MRPS6: variants seen among roughly 807,000 people sequenced by gnomAD.
MRPS6 encodes the protein small ribosomal subunit protein bS6m.
Under a neutral mutation model 13.1 loss-of-function variants are expected in MRPS6, and 6 were observed. That is an observed-to-expected ratio of 0.46 (90% CI 0.25 to 0.91). The LOEUF is 0.91. Ranked by LOEUF, MRPS6 falls within the 40% of genes least tolerant of loss-of-function variation. The pLI is 0.18. For missense variants in MRPS6, 164 were observed against 155.6 expected, an observed-to-expected ratio of 1.05 and a Z score of -0.29; for synonymous variants, 61 against 56.5, an observed-to-expected ratio of 1.08 and a Z score of -0.36.
intron 1 of MRPS6, chr21:34,105,674 C>T: frequency 1.0e-6 from 1 of 996,820 alleles, no homozygotes; most frequent in African/African-American, 1.7e-5. Context: ...AGTTGATGAA[C>T]ATTAATTTTG....
intron 1 of MRPS6, among the ~76,000 whole-genome samples, chr21:34,121,127 T>G (rs1980105090): frequency 6.6e-6 from 1 of 152,182 alleles, no homozygotes. Flanking sequence ...TGAAAGAATA[T>G]TTTTAGATTG....
chr21:34,080,010 A>G (rs1315499335), intron 1 of MRPS6, among the ~76,000 whole-genome samples: 1 of 152,124 alleles, frequency 6.6e-6, no homozygotes, highest in Non-Finnish European at 1.5e-5. Flanking sequence ...TCAATGCCAT[A>G]TAGTCTTCTC....
Position 34,116,176 on chromosome 21 carries a change from TTTTGTG to T in MRPS6, c.46-9163_46-9158del, listed in dbSNP as rs1556008457. On this transcript the variant is annotated intron_variant, in intron 1 of 2. Coordinates refer to ENST00000399312, the MANE Select transcript of MRPS6 (RefSeq NM_032476.4). ...GGTGTGTCCCACCATGCCCAGCTAA[TTTTGTG>T]TGTGTGTGTGTGTGTGTGTGTGTGT... Among the ~76,000 whole-genome samples, 749 of 81,250 alleles carry T rather than the reference TTTTGTG, an allele frequency of 9.2e-3. 8 individuals carry two copies. The highest frequency in any genetic ancestry group is 0.028 in the African/African-American group (655 of 23,534). The allele number at this position is 81,250 out of a possible 152,430, so 53.3% of individuals were successfully genotyped here.
chr21:34,105,257 G>C lies in MRPS6; in HGVS notation c.46-20084G>C, dbSNP rs1333538572. On this transcript the variant is annotated intron_variant, in intron 1 of 2. Transcript: ENST00000399312. ...TGGACATCCCATTTTCTTTTGTCCA[G>C]ACCCATGTTGGCAATCATGTATGAA... The C allele has an allele frequency of 9.0e-6, 9 of 1,000,064 alleles. No homozygotes were observed. In the African/African-American group the frequency reaches 1.2e-4, roughly 14 times the overall value. 61.9% of individuals were successfully genotyped at this position (1,000,064 alleles called of 1,614,324 possible).
intron 1 of MRPS6, among the ~76,000 whole-genome samples, chr21:34,115,985 GT>G (rs1449524244): frequency 6.8e-6 from 1 of 147,462 alleles, no homozygotes; most frequent in Non-Finnish European, 1.5e-5. Context: ...TTATTAAAAT[GT>G]TTTTATGCCA....
intron 2 of MRPS6, among the ~76,000 whole-genome samples, chr21:34,130,467 C>A (rs567331476): frequency 6.6e-6 from 1 of 152,240 alleles, no homozygotes; most frequent in African/African-American, 2.4e-5. Flanking sequence ...CTCTTACAAC[C>A]ATGCTGCTGT....
chr21:34,110,161 G>T (rs1979640292), intron 1 of MRPS6, among the ~76,000 whole-genome samples: 2 of 152,124 alleles, frequency 1.3e-5, no homozygotes, highest in South Asian at 4.1e-4. Flanking sequence ...TTTCAAAGGG[G>T]CCTTAAAAGC....
intron 2 of MRPS6, among the ~76,000 whole-genome samples, chr21:34,132,844 TG>T (rs1179910843): frequency 6.6e-6 from 1 of 152,220 alleles, no homozygotes; most frequent in African/African-American, 2.4e-5. Flanking sequence ...TCTTGTGTCC[TG>T]GAGTCAAAAG....
chr21:34,097,674 G>T, intron 1 of MRPS6: 1 of 1,051,550 alleles, frequency 9.5e-7, no homozygotes, highest in Non-Finnish European at 1.2e-6. Context: ...CATGAATTAA[G>T]GTATACTGTC....
intron 1 of MRPS6, chr21:34,101,741 ATATAAT>A: frequency 1.0e-6 from 1 of 992,340 alleles, no homozygotes; most frequent in Non-Finnish European, 1.2e-6. Context: ...GACTCATTAA[ATATAAT>A]TATGTTTTAA....
intron 1 of MRPS6, among the ~76,000 whole-genome samples, chr21:34,078,329 C>T (rs1423137642): frequency 2.0e-5 from 3 of 152,070 alleles, no homozygotes; most frequent in East Asian, 1.9e-4. Flanking sequence ...AGCTTATTGC[C>T]GCAGCAAGCT....
At chr21:34,122,932 T>C (rs561769409) in intron 1 of MRPS6, 7 of 152,232 alleles carry the variant, frequency 4.6e-5, no homozygotes, top group Admixed American at 1.3e-4. Flanking sequence ...AGTCTTCATA[T>C]GATTAGAACT....
Position 34,073,699 on chromosome 21 carries a change from G to A in MRPS6, c.-2G>A. 1.3e-6 allele frequency: 2 copies of A among 1,520,850 alleles called. No individual in the cohort carries two copies. The highest frequency in any genetic ancestry group is 1.9e-4 in the Middle Eastern group (1 of 5,166). 94.2% of individuals were successfully genotyped at this position (1,520,850 alleles called of 1,614,324 possible). A position where few individuals can be genotyped will look rare whatever the true frequency, so the allele number is the denominator to read the frequency against. On this transcript the variant is annotated 5_prime_UTR_variant, in exon 1 of 3. Transcript: ENST00000399312. ...CGAGCCGCACTCGCCGATCCTCCAG[G>A]CATGCCCCGCTACGAGCTGGCTTTA...
At chr21:34,102,794 ATTG>A (rs2148662021) in intron 1 of MRPS6, 2 of 1,000,056 alleles carry the variant, frequency 2.0e-6, no homozygotes, top group East Asian at 1.1e-4. Context: ...CTATAACATA[ATTG>A]TTGTCCATGA....
intron 1 of MRPS6, 26 bp from the exon 2 acceptor site, chr21:34,125,315 T>G: frequency 6.2e-7 from 1 of 1,602,628 alleles, no homozygotes; most frequent in South Asian, 1.1e-5. Context: ...TTTTTTTCTT[T>G]TCTTTAAAAA....
intron 1 of MRPS6, chr21:34,102,725 T>A: frequency 1.0e-6 from 1 of 1,000,080 alleles, no homozygotes. Flanking sequence ...CAAAACACAG[T>A]GGTCTCAGAT....
chr21:34,118,541 A>ATTTCTTTCTTTC (rs754297980), intron 1 of MRPS6, among the ~76,000 whole-genome samples: 17 of 138,270 alleles, frequency 1.2e-4, no homozygotes, highest in South Asian at 2.2e-4. Flanking sequence ...GTTACTCCAC[A>ATTTCTTTCTTTC]TTTCTTTCTT....
chr21:34,118,678 C>T (rs1980016796), intron 1 of MRPS6, among the ~76,000 whole-genome samples: 1 of 151,704 alleles, frequency 6.6e-6, no homozygotes, highest in Non-Finnish European at 1.5e-5. Context: ...CCACGCCTGG[C>T]TAATTTTTAT....
chr21:34,133,513 C>G (rs184992836), intron 2 of MRPS6, among the ~76,000 whole-genome samples: 140 of 152,282 alleles, frequency 9.2e-4, no homozygotes, highest in Non-Finnish European at 1.3e-3. Flanking sequence ...TTGCTATGAA[C>G]AATATCATAA....
Sources: allele counts gnomAD v4.1 joint callset (sites outside exome capture counted in the v4.1 genomes callset), GRCh38; gene constraint gnomAD v4.1.1; transcripts MANE v1.5; gene names NCBI Gene and HGNC (gene_info 2026-07-23, HGNC 2026-07-21).